Variants in LRRC4C observed in about 807,000 individuals in gnomAD.
The protein encoded by LRRC4C is leucine-rich repeat-containing protein 4C.
LRRC4C carries 5 observed loss-of-function variants against 33.6 expected under a neutral mutation model. The ratio of observed to expected loss-of-function variants is 0.15; its 90% CI spans 0.08 to 0.31. The LOEUF is 0.31. Among genes scored for constraint, LRRC4C ranks in the 10% least tolerant of loss-of-function variants. The pLI is 1.00. For missense variants in LRRC4C, 560 were observed against 796.7 expected (o/e 0.70, Z 3.58); for synonymous variants, 329 against 302.0 (o/e 1.09, Z -0.93).
At chr11:40,815,400 G>T (rs1247631936) in intron 2 of LRRC4C, among the ~76,000 whole-genome samples, 1 of 152,094 alleles carries the variant, frequency 6.6e-6, no homozygotes, top group Non-Finnish European at 1.5e-5. Flanking sequence ...TGAGATTTGG[G>T]TGGGCCACAG....
chr11:40,970,917 C>T (rs541901069), intron 1 of LRRC4C, among the ~76,000 whole-genome samples: 45 of 152,222 alleles, frequency 3.0e-4, no homozygotes, highest in African/African-American at 1.0e-3. Flanking sequence ...TCAGGGTATC[C>T]GGTGGAAGAA....
rs79700474 is a variant in LRRC4C, at chr11:41,323,593, C to A, written c.-496+135838G>T. On this transcript the variant is annotated intron_variant, in intron 1 of 6. Coordinates refer to ENST00000528697, the MANE Select transcript of LRRC4C (RefSeq NM_001258419.2). ...CCACTTACAGGAAAATAGGATTTGC[C>A]GAATGTTACTCAGCCCTTCCCTACG... Among the ~76,000 whole-genome samples, 937 of 152,192 alleles carry A rather than the reference C, an allele frequency of 6.2e-3. 7 individuals carry two copies. The highest frequency in any genetic ancestry group is 0.021 in the African/African-American group (867 of 41,510).
At chr11:40,991,051 C>T (rs191647) in intron 1 of LRRC4C, among the ~76,000 whole-genome samples, 1 of 141,340 alleles carries the variant, frequency 7.1e-6, no homozygotes, top group Admixed American at 7.3e-5. Context: ...CAGTCATTTT[C>T]TCAGAAAATA....
At chr11:40,646,835 T>C (rs536087709) in intron 3 of LRRC4C, among the ~76,000 whole-genome samples, 1 of 152,288 alleles carries the variant, frequency 6.6e-6, no homozygotes, top group South Asian at 2.1e-4. Context: ...CTCGATCTCC[T>C]GACCTCATGA....
chr11:40,538,307 A>C (rs1956561063), intron 3 of LRRC4C, among the ~76,000 whole-genome samples: 1 of 148,530 alleles, frequency 6.7e-6, no homozygotes, highest in African/African-American at 2.5e-5. Flanking sequence ...CACAGGCCCC[A>C]GTGTGTGATG....
At chr11:41,376,947 A>T (rs1273960382) in intron 1 of LRRC4C, among the ~76,000 whole-genome samples, 2 of 152,144 alleles carry the variant, frequency 1.3e-5, no homozygotes, top group Non-Finnish European at 2.9e-5. Context: ...CTTTCAATGG[A>T]AAAATGTTAT....
chr11:41,209,006 T>C (rs1367915627), intron 1 of LRRC4C, among the ~76,000 whole-genome samples: 15 of 150,572 alleles, frequency 1.0e-4, no homozygotes, highest in Admixed American at 9.3e-4. Flanking sequence ...TCTCAAGCCT[T>C]AAGAGCAAAC....
intron 5 of LRRC4C, among the ~76,000 whole-genome samples, chr11:40,217,774 C>G (rs1359682470): frequency 6.6e-6 from 1 of 152,024 alleles, no homozygotes; most frequent in Admixed American, 6.6e-5. Flanking sequence ...CATCTTTTTC[C>G]ATCTGTTAGT....
chr11:40,722,005 TC>T (rs747017750), intron 2 of LRRC4C, among the ~76,000 whole-genome samples: 77 of 152,234 alleles, frequency 5.1e-4, no homozygotes, highest in Non-Finnish European at 8.5e-4. Flanking sequence ...CAAACTGAGT[TC>T]TCAGAGAATA....
intron 1 of LRRC4C, among the ~76,000 whole-genome samples, chr11:41,402,966 C>A (rs966113074): frequency 1.1e-4 from 17 of 151,972 alleles, no homozygotes; most frequent in Admixed American, 1.1e-3. Context: ...ATGTTCACGC[C>A]GTAAATCAAA....
At chr11:41,063,188 G>C (rs890058014) in intron 1 of LRRC4C, among the ~76,000 whole-genome samples, 3 of 152,142 alleles carry the variant, frequency 2.0e-5, no homozygotes, top group Non-Finnish European at 2.9e-5. Context: ...ATCCTGCAAA[G>C]TAAGCATTAT....
chr11:40,862,890 T>C (rs759204764), intron 2 of LRRC4C, among the ~76,000 whole-genome samples: 7 of 152,212 alleles, frequency 4.6e-5, no homozygotes, highest in African/African-American at 7.2e-5. Context: ...TATTAAGTAG[T>C]AGTTCAGCTT....
rs1408690862 is a variant in LRRC4C at position 40,513,967 on chromosome 11, T to C, written c.-270+134175A>G. On this transcript the variant is annotated intron_variant, in intron 3 of 6. Coordinates refer to ENST00000528697, the MANE Select transcript of LRRC4C (RefSeq NM_001258419.2). ...GAGCCAACTGTCTCACCTTAAACTC[T>C]CAGTTCTCTCAGAGAATCTTCACTT... is the stretch of plus-strand genomic sequence containing the variant. Among the ~76,000 whole-genome samples the C allele has an allele frequency of 3.9e-5, 6 of 152,206 alleles. No homozygotes were observed. In the South Asian group the frequency reaches 8.3e-4, roughly 21 times the overall value.
chr11:40,341,466 G>T (rs1257708317), intron 3 of LRRC4C, among the ~76,000 whole-genome samples: 1 of 147,208 alleles, frequency 6.8e-6, no homozygotes, highest in African/African-American at 2.5e-5. Context: ...GTCAAACACT[G>T]CATGTTCTCA....
chr11:41,016,812 T>A (rs1855615452), intron 1 of LRRC4C, among the ~76,000 whole-genome samples: 1 of 152,184 alleles, frequency 6.6e-6, no homozygotes, highest in Non-Finnish European at 1.5e-5. Context: ...TTTTTTGTCC[T>A]CTGAATTGAT....
chr11:41,027,307 G>A (rs546360932), intron 1 of LRRC4C, among the ~76,000 whole-genome samples: 5 of 151,732 alleles, frequency 3.3e-5, no homozygotes, highest in Non-Finnish European at 5.9e-5. Flanking sequence ...TAGTACTACC[G>A]GAGGGTACTT....
rs1949257538 is a variant in LRRC4C at position 41,269,571 on chromosome 11, T to C, written c.-496+189860A>G. Among the ~76,000 whole-genome samples, 5 of 152,084 alleles carry C rather than the reference T, an allele frequency of 3.3e-5. No individual in the cohort carries two copies. In the South Asian group the frequency reaches 1.0e-3, roughly 31 times the overall value. ...ACCACCAGGGAGAAGGTAGTCTGGC[T>C]TGAAGAGAAAGAGTACATGAAGAGG... On this transcript the variant is annotated intron_variant, in intron 1 of 6. Transcript: ENST00000528697.
At chr11:41,441,487 C>CT (rs535444617) in intron 1 of LRRC4C, among the ~76,000 whole-genome samples, 6,001 of 144,594 alleles carry the variant, frequency 0.042, 381 homozygotes, top group African/African-American at 0.14. Flanking sequence ...TTTCAACGCT[C>CT]TTTTTTTTTT....
At chr11:40,635,839 C>A (rs1206548964) in intron 3 of LRRC4C, among the ~76,000 whole-genome samples, 2 of 151,716 alleles carry the variant, frequency 1.3e-5, no homozygotes, top group Non-Finnish European at 2.9e-5. Flanking sequence ...CGGGGTTTCT[C>A]TGTGTTAGCC....
Sources: allele counts gnomAD v4.1 joint callset (sites outside exome capture counted in the v4.1 genomes callset), GRCh38; gene constraint gnomAD v4.1.1; transcripts MANE v1.5; gene names NCBI Gene and HGNC (gene_info 2026-07-23, HGNC 2026-07-21).